ABL2: variants seen among roughly 807,000 people sequenced by gnomAD.
ABL2 encodes the protein tyrosine-protein kinase ABL2.
ABL2 carries 49 observed loss-of-function variants against 107.7 expected under a neutral mutation model. The observed-to-expected ratio is 0.45, with a 90% CI of 0.36 to 0.58. The LOEUF (loss-of-function observed/expected upper bound fraction) is 0.58, where lower values mean the gene tolerates loss of function less well. Ranked by LOEUF, ABL2 falls within the 20% of genes least tolerant of loss-of-function variation. The probability of loss-of-function intolerance (pLI) is 0.00; values close to 1 mark genes in which losing one functional copy is unlikely to be tolerated. For missense variants in ABL2, 1,245 were observed against 1,457.0 expected (o/e 0.85, Z 2.37); for synonymous variants, 549 against 548.6 (o/e 1.00, Z -0.01).
chr1:179,118,846 AT>A (rs1161727530), intron 6 of ABL2, 82 bp from the exon 7 acceptor site: 3 of 1,448,232 alleles, frequency 2.1e-6, no homozygotes, highest in African/African-American at 1.4e-5. Context: ...TAATTTGACA[AT>A]TTTTCAGGTC....
At chr1:179,215,849 T>C (rs1478410814) in intron 1 of ABL2, among the ~76,000 whole-genome samples, 2 of 152,226 alleles carry the variant, frequency 1.3e-5, no homozygotes, top group Non-Finnish European at 2.9e-5. Context: ...TTTAATGTTT[T>C]CTTAGCAATT....
intron 1 of ABL2, among the ~76,000 whole-genome samples, chr1:179,150,288 G>C (rs1281372930): frequency 3.3e-5 from 5 of 152,106 alleles, no homozygotes; most frequent in Non-Finnish European, 5.9e-5. Context: ...TTCTCTGATG[G>C]ATCTGTTAAA....
chr1:179,145,679 G>A (rs1657935895), intron 1 of ABL2, among the ~76,000 whole-genome samples: 1 of 152,144 alleles, frequency 6.6e-6, no homozygotes, highest in Admixed American at 6.6e-5. Context: ...AATGTAGCAA[G>A]TTCAATGCAA....
chr1:179,164,041 A>C (rs1181261061), intron 1 of ABL2, among the ~76,000 whole-genome samples: 9 of 152,314 alleles, frequency 5.9e-5, no homozygotes, highest in Admixed American at 2.0e-4. Context: ...GCCAGGGATT[A>C]AAGGGGGGGA....
At position 179,101,439 on chromosome 1, in the gene ABL2, C is replaced by T. The variant is rs1433648614; in HGVS notation, c.*6279G>A. 10 of 178,084 alleles carry T rather than the reference C, an allele frequency of 5.6e-5. No individual in the cohort carries two copies. The highest frequency in any genetic ancestry group is 2.4e-4 in the African/African-American group (10 of 41,816). 11.0% of individuals were successfully genotyped at this position (178,084 alleles called of 1,614,324 possible). A position where few individuals can be genotyped will look rare whatever the true frequency, so the allele number is the denominator to read the frequency against. On this transcript the variant is annotated 3_prime_UTR_variant, in exon 12 of 12. Transcript: ENST00000502732. ...TCACTTAGGCTGGAGTGCAGCGGCG[C>T]GATCTCAGCTCACTGCAACCTCCGC...
intron 1 of ABL2, 93 bp from the exon 2 acceptor site, chr1:179,133,467 G>C: frequency 6.2e-7 from 1 of 1,602,504 alleles, no homozygotes; most frequent in Non-Finnish European, 8.5e-7. Flanking sequence ...GCATTCAAAG[G>C]CCTTTCATGA....
intron 1 of ABL2, among the ~76,000 whole-genome samples, chr1:179,212,209 A>C (rs1662314276): frequency 6.6e-6 from 1 of 152,216 alleles, no homozygotes; most frequent in Non-Finnish European, 1.5e-5. Flanking sequence ...TGATTCAATC[A>C]TCTCCACCTG....
At chr1:179,194,154 A>G (rs1233789853) in intron 1 of ABL2, among the ~76,000 whole-genome samples, 1 of 152,186 alleles carries the variant, frequency 6.6e-6, no homozygotes, top group Non-Finnish European at 1.5e-5. Context: ...GTTTTCATAA[A>G]TTTCATAATT....
chr1:179,135,992 G>T (rs1240099456), intron 1 of ABL2, among the ~76,000 whole-genome samples: 1 of 143,958 alleles, frequency 6.9e-6, no homozygotes, highest in Non-Finnish European at 1.5e-5. Context: ...CAGCCGCCCC[G>T]TCCAGGAGGT....
At chr1:179,138,620 A>G (rs568043938) in intron 1 of ABL2, among the ~76,000 whole-genome samples, 4 of 152,118 alleles carry the variant, frequency 2.6e-5, no homozygotes, top group Admixed American at 2.0e-4. Flanking sequence ...ATCTTTTCAA[A>G]TGTTGAGGCC....
At chr1:179,149,487 A>G (rs1571202743) in intron 1 of ABL2, among the ~76,000 whole-genome samples, 1 of 152,252 alleles carries the variant, frequency 6.6e-6, no homozygotes, top group East Asian at 1.9e-4. Context: ...TTTTCAGTGT[A>G]GATGAAACAC....
chr1:179,176,971 T>C (rs1481056159), intron 1 of ABL2, among the ~76,000 whole-genome samples: 7 of 151,970 alleles, frequency 4.6e-5, no homozygotes, highest in African/African-American at 9.7e-5. Context: ...GCTGGGATTA[T>C]AGGCATGAGC....
chr1:179,192,905 T>C (rs977596135), intron 1 of ABL2, among the ~76,000 whole-genome samples: 1 of 152,232 alleles, frequency 6.6e-6, no homozygotes, highest in Non-Finnish European at 1.5e-5. Flanking sequence ...CACTGTATTA[T>C]GTCTATTTGA....
chr1:179,198,018 A>G (rs1557992137), intron 1 of ABL2, among the ~76,000 whole-genome samples: 1 of 151,826 alleles, frequency 6.6e-6, no homozygotes, highest in South Asian at 2.1e-4. Flanking sequence ...TACTAAAAAT[A>G]TAAAAATTAG....
intron 4 of ABL2, among the ~76,000 whole-genome samples, chr1:179,123,555 T>C (rs1304244512): frequency 6.6e-6 from 1 of 152,152 alleles, no homozygotes; most frequent in Non-Finnish European, 1.5e-5. Flanking sequence ...TACAAAATAG[T>C]TGTTAATTTG....
At chr1:179,183,211 A>T (rs2102802931) in intron 1 of ABL2, among the ~76,000 whole-genome samples, 1 of 152,148 alleles carries the variant, frequency 6.6e-6, no homozygotes, top group African/African-American at 2.4e-5. Flanking sequence ...GTAGAATAGG[A>T]CACTGGAGAC....
At chr1:179,136,794 T>A (rs1407037868) in intron 1 of ABL2, among the ~76,000 whole-genome samples, 1 of 151,472 alleles carries the variant, frequency 6.6e-6, no homozygotes, top group African/African-American at 2.4e-5. Flanking sequence ...CACATGCCTA[T>A]AATCCCAGCT....
intron 1 of ABL2, 36 bp from the exon 2 acceptor site, chr1:179,133,410 T>C: frequency 6.2e-7 from 1 of 1,614,030 alleles, no homozygotes; most frequent in Non-Finnish European, 8.5e-7. Context: ...TCACTTTTCT[T>C]AAGCTTCTTC....
chr1:179,193,577 T>G lies in ABL2; in HGVS notation c.157+35664A>C, dbSNP rs1391889675. On this transcript the variant is annotated intron_variant, in intron 1 of 11. Coordinates refer to ENST00000502732, the MANE Select transcript of ABL2 (RefSeq NM_007314.4). ...CTGCGACCACGCCCACCTAATTTTT[T>G]GTATTTTTAGTAGAGATGGGGTTTC... Among the ~76,000 whole-genome samples the G allele has an allele frequency of 3.3e-5, 5 of 152,066 alleles. No individual in the cohort carries two copies. In the East Asian group the frequency reaches 9.6e-4, roughly 29 times the overall value.
Sources: allele counts gnomAD v4.1 joint callset (sites outside exome capture counted in the v4.1 genomes callset), GRCh38; gene constraint gnomAD v4.1.1; transcripts MANE v1.5; gene names NCBI Gene and HGNC (gene_info 2026-07-23, HGNC 2026-07-21).